The following NIBAN1 variants were observed in gnomAD, a reference collection of about 807,000 sequenced individuals.
NIBAN1 encodes the protein niban apoptosis regulator 1, also known as protein Niban 1.
NIBAN1 carries 81 observed loss-of-function variants against 75.1 expected under a neutral mutation model. The observed-to-expected ratio is 1.08, with a 90% confidence interval of 0.90 to 1.30. NIBAN1 has a LOEUF of 1.30. NIBAN1 is among the 50% of genes most tolerant of loss of function. The pLI is 0.00. For synonymous variants in NIBAN1, 436 were observed against 424.8 expected, an observed-to-expected ratio of 1.03 and a Z score of -0.32; for missense variants, 1,133 against 1,128.1, an observed-to-expected ratio of 1.00 and a Z score of -0.06.
chr1:184,819,182 T>C (rs1044366971), intron 8 of NIBAN1, among the ~76,000 whole-genome samples: 2 of 152,208 alleles, frequency 1.3e-5, no homozygotes, highest in African/African-American at 2.4e-5. Flanking sequence ...GCACAGTTTG[T>C]CTTCTAAAAA....
intron 1 of NIBAN1, among the ~76,000 whole-genome samples, chr1:184,950,374 A>G (rs970595088): frequency 1.3e-5 from 2 of 152,146 alleles, no homozygotes; most frequent in African/African-American, 2.4e-5. Flanking sequence ...TTATTCCCCA[A>G]TGTAATTTTC....
chr1:184,931,200 A>T (rs866643166), intron 1 of NIBAN1, among the ~76,000 whole-genome samples: 20 of 151,910 alleles, frequency 1.3e-4, no homozygotes, highest in African/African-American at 4.4e-4. Flanking sequence ...GGGTTTCACC[A>T]TGTTGGCCAG....
chr1:184,941,665 A>G (rs1053560768), intron 1 of NIBAN1, among the ~76,000 whole-genome samples: 2 of 152,008 alleles, frequency 1.3e-5, no homozygotes, highest in Non-Finnish European at 2.9e-5. Flanking sequence ...AAAAAAAAAA[A>G]AAAAAACCTG....
chr1:184,925,582 AT>A (rs530959486), intron 1 of NIBAN1, among the ~76,000 whole-genome samples: 1 of 150,058 alleles, frequency 6.7e-6, no homozygotes, highest in South Asian at 2.1e-4. Flanking sequence ...TTGTTATATG[AT>A]TTTTTTATTT....
chr1:184,867,153 C>T (rs1655977973), intron 5 of NIBAN1, among the ~76,000 whole-genome samples: 1 of 148,278 alleles, frequency 6.7e-6, no homozygotes, highest in African/African-American at 2.5e-5. Context: ...CTCTCTCGGT[C>T]TCTCTCTCTC....
chr1:184,909,049 C>T (rs1002338138), intron 1 of NIBAN1, among the ~76,000 whole-genome samples: 6 of 152,192 alleles, frequency 3.9e-5, no homozygotes, highest in African/African-American at 9.7e-5. Flanking sequence ...TCCCTTTGCT[C>T]TTTTTGTGAC....
intron 5 of NIBAN1, among the ~76,000 whole-genome samples, chr1:184,840,288 A>G (rs1297617759): frequency 1.3e-5 from 2 of 152,222 alleles, no homozygotes; most frequent in African/African-American, 4.8e-5. Context: ...TTTATAAACT[A>G]TAATACCAAA....
rs146965249 is a variant in NIBAN1, at chr1:184,792,806, C to T, written c.*2171G>A. On this transcript the variant is annotated 3_prime_UTR_variant, in exon 14 of 14. Transcript: ENST00000367511. ...TAAAGTGACTCAAGGAGGCAGGAAG[C>T]CATTATTCAAGGCTGTGGGTTTCTA... 2.3e-4 allele frequency: 35 copies of T among 152,468 alleles called. No homozygotes were observed. Among genetic ancestry groups the T allele is most frequent in the African/African-American group, 8.4e-4 (35 of 41,574 alleles). The allele number at this position is 152,468 out of a possible 1,614,324, so 9.4% of individuals were successfully genotyped here. A position where few individuals can be genotyped will look rare whatever the true frequency, so the allele number is the denominator to read the frequency against.
At chr1:184,963,010 C>T (rs912258219) in intron 1 of NIBAN1, among the ~76,000 whole-genome samples, 2 of 151,766 alleles carry the variant, frequency 1.3e-5, no homozygotes, top group South Asian at 4.2e-4. Context: ...TTTTCAACCC[C>T]CAATAAATTT....
At chr1:184,892,343 C>T (rs919501606) in intron 3 of NIBAN1, among the ~76,000 whole-genome samples, 19 of 152,054 alleles carry the variant, frequency 1.2e-4, no homozygotes, top group Admixed American at 7.2e-4. Flanking sequence ...TAGGCAAGGG[C>T]GCCTATCTAG....
At position 184,795,221 on chromosome 1, in the gene NIBAN1, G is replaced by C; in HGVS notation, c.2543C>G (p.Ser848Cys). 2 of 1,614,026 alleles carry C rather than the reference G, an allele frequency of 1.2e-6. No individual in the cohort carries two copies. Among genetic ancestry groups the C allele is most frequent in the Non-Finnish European group, 1.7e-6 (2 of 1,180,044 alleles). Residue 848 changes from serine to cysteine, a missense_variant, in exon 14 of 14, where the codon TCT becomes TGT. Ser to Cys is a moderately radical substitution (Grantham distance 112). Transcript: ENST00000367511. ...ASQQEGCTLGSDPICLSESQV... is the reference protein window; with the variant it reads ...ASQQEGCTLGCDPICLSESQV... ...GCTCTCACTGAGGCAGATGGGGTCA[G>C]AACCTAAGGTGCAGCCCTCTTGCTG...
chr1:184,867,081 G>A (rs1655975359), intron 5 of NIBAN1, among the ~76,000 whole-genome samples: 1 of 151,974 alleles, frequency 6.6e-6, no homozygotes, highest in Non-Finnish European at 1.5e-5. Flanking sequence ...CGATACTAAT[G>A]CGGTGACATC....
chr1:184,930,997 C>CTTTTTTCTTTTTTTT (rs1553229154), intron 1 of NIBAN1, among the ~76,000 whole-genome samples: 2 of 114,556 alleles, frequency 1.7e-5, no homozygotes, highest in African/African-American at 9.1e-5. Flanking sequence ...TTTTCTTCTT[C>CTTTTTTCTTTTTTTT]TTTTTTTTTT....
At chr1:184,972,879 T>C (rs1302326345) in intron 1 of NIBAN1, among the ~76,000 whole-genome samples, 3 of 152,240 alleles carry the variant, frequency 2.0e-5, no homozygotes, top group African/African-American at 7.2e-5. Context: ...TACTTGGCCA[T>C]GCGTCCACAT....
intron 5 of NIBAN1, chr1:184,868,086 T>C (rs1317154993): frequency 1.0e-6 from 1 of 983,316 alleles, no homozygotes; most frequent in African/African-American, 1.7e-5. Context: ...GGGCTTTGTC[T>C]GGTAAGATGT....
At position 184,870,308 on chromosome 1, in the gene NIBAN1, T is replaced by G. The variant is rs1053036395; in HGVS notation, c.601+14325A>C. 3.3e-5 allele frequency among the ~76,000 whole-genome samples: 5 copies of G among 152,364 alleles called. No homozygotes were observed. In the East Asian group the frequency reaches 9.6e-4, roughly 29 times the overall value. On this transcript the variant is annotated intron_variant, in intron 5 of 13. Coordinates refer to ENST00000367511, the MANE Select transcript of NIBAN1 (RefSeq NM_052966.4). The stretch of plus-strand genomic sequence containing the variant: ...GTTTAAACTCTCTTTGATAGAAAGC[T>G]TCCTAAAATGTATTCCACATTTCTC...
At chr1:184,918,148 G>T (rs951592441) in intron 1 of NIBAN1, among the ~76,000 whole-genome samples, 7 of 152,166 alleles carry the variant, frequency 4.6e-5, no homozygotes, top group Non-Finnish European at 1.0e-4. Flanking sequence ...TCACCTGGGT[G>T]CCTGCAGTAG....
At chr1:184,921,850 T>A (rs1259121254) in intron 1 of NIBAN1, among the ~76,000 whole-genome samples, 1 of 152,230 alleles carries the variant, frequency 6.6e-6, no homozygotes, top group Non-Finnish European at 1.5e-5. Flanking sequence ...GATTCTGTGC[T>A]CTGGTTATTT....
chr1:184,830,138 A>C (rs1418852683), intron 6 of NIBAN1, among the ~76,000 whole-genome samples: 1 of 152,222 alleles, frequency 6.6e-6, no homozygotes, highest in African/African-American at 2.4e-5. Flanking sequence ...TGCTTCCCTC[A>C]GTTTTCTCAT....
Sources: gnomAD v4.1 joint callset for allele counts (sites outside exome capture counted in the v4.1 genomes callset) on GRCh38, gnomAD v4.1.1 for gene constraint, MANE v1.5 for transcripts, NCBI Gene and HGNC (gene_info 2026-07-23, HGNC 2026-07-21) for gene names.